The following PHACTR3 variants were observed in gnomAD, a reference collection of about 807,000 sequenced individuals.
PHACTR3 encodes the protein protein phosphatase 1, regulatory subunit 123.
A neutral mutation model predicts 66.8 loss-of-function variants in PHACTR3; 16 were observed. The ratio of observed to expected loss-of-function variants is 0.24; its 90% CI spans 0.16 to 0.36. The LOEUF (loss-of-function observed/expected upper bound fraction) is 0.36. PHACTR3 is among the 10% of genes least tolerant of loss of function. The pLI, the probability that PHACTR3 is intolerant of heterozygous loss-of-function variation, is 1.00. For missense variants in PHACTR3, 647 were observed against 719.9 expected (o/e 0.90, Z 1.16); for synonymous variants, 323 against 292.1 (o/e 1.11, Z -1.08).
chr20:59,700,969 T>A (rs113680858), intron 1 of PHACTR3, among the ~76,000 whole-genome samples: 3 of 33,960 alleles, frequency 8.8e-5, no homozygotes, highest in South Asian at 8.7e-4. Context: ...TTTAAAAAAA[T>A]TTTTTGGCGA....
chr20:59,639,517 C>T (rs569080050), intron 1 of PHACTR3, among the ~76,000 whole-genome samples: 3 of 152,284 alleles, frequency 2.0e-5, no homozygotes, highest in Non-Finnish European at 4.4e-5. Context: ...CACGTTCCTA[C>T]CTTGGACCTC....
In PHACTR3 at chr20:59,686,156, C is replaced by A. The variant is rs928947672; in HGVS notation, c.119-56951C>A. On this transcript the variant is annotated intron_variant, in intron 1 of 12. Transcript: ENST00000371015. ...AGCTCATATCTTTTAATAGACCCTG[C>A]AAGGTATCCAGTTCCTAGGACACAG... is the stretch of plus-strand genomic sequence containing the variant. Among the ~76,000 whole-genome samples the A allele has an allele frequency of 2.0e-5, 3 of 152,270 alleles. No individual in the cohort carries two copies. The South Asian group carries it at 6.2e-4, about 32-fold the overall frequency.
chr20:59,586,797 G>A (rs997818619), intron 1 of PHACTR3, among the ~76,000 whole-genome samples: 2 of 152,154 alleles, frequency 1.3e-5, no homozygotes, highest in African/African-American at 2.4e-5. Context: ...TGTGGGAGAT[G>A]AGCTCCACTT....
intron 6 of PHACTR3, 147 bp from the exon 7 acceptor site, chr20:59,774,096 C>T (rs2040446515): frequency 1.0e-6 from 1 of 957,710 alleles, no homozygotes; most frequent in Non-Finnish European, 1.5e-6. Context: ...TCCTCATGCT[C>T]CTTCTGGTGT....
intron 4 of PHACTR3, among the ~76,000 whole-genome samples, chr20:59,762,474 G>A (rs1435231295): frequency 3.3e-5 from 5 of 152,222 alleles, no homozygotes; most frequent in South Asian, 2.1e-4. Context: ...CCAGTGTTCA[G>A]TGGTCATGAG....
At chr20:59,778,190 T>C (rs2040601531) in intron 7 of PHACTR3, among the ~76,000 whole-genome samples, 1 of 152,144 alleles carries the variant, frequency 6.6e-6, no homozygotes. Flanking sequence ...CATTGCCCCA[T>C]TTCTAGTTCA....
At chr20:59,590,850 G>T (rs760994999) in intron 1 of PHACTR3, among the ~76,000 whole-genome samples, 13 of 152,100 alleles carry the variant, frequency 8.5e-5, no homozygotes, top group Non-Finnish European at 1.6e-4. Context: ...GTGCACAGGG[G>T]CTCCCTGGAC....
At chr20:59,702,306 C>T (rs150361211) in intron 1 of PHACTR3, among the ~76,000 whole-genome samples, 88 of 152,256 alleles carry the variant, frequency 5.8e-4, no homozygotes, top group African/African-American at 2.1e-3. Flanking sequence ...ATCTTCTTTC[C>T]CCACTCTGCA....
At chr20:59,586,800 C>A (rs1225962885) in intron 1 of PHACTR3, among the ~76,000 whole-genome samples, 1 of 152,196 alleles carries the variant, frequency 6.6e-6, no homozygotes. Context: ...GGGAGATGAG[C>A]TCCACTTGGT....
At chr20:59,743,059 C>T in intron 1 of PHACTR3, 48 bp from the exon 2 acceptor site, 1 of 1,586,840 alleles carries the variant, frequency 6.3e-7, no homozygotes, top group Non-Finnish European at 8.6e-7. Flanking sequence ...CCAGGAGTCA[C>T]ATAGGTTTGG....
At position 59,805,954 on chromosome 20, in the gene PHACTR3, T is replaced by C. The variant is rs2041553466; in HGVS notation, c.1175-87T>C. The C allele has an allele frequency of 3.5e-6, 5 of 1,417,500 alleles. No homozygotes were observed. In the East Asian group the frequency reaches 1.1e-4, roughly 33 times the overall value. The allele number at this position is 1,417,500 out of a possible 1,614,324, so 87.8% of individuals were successfully genotyped here. A position where few individuals can be genotyped will look rare whatever the true frequency, so the allele number is the denominator to read the frequency against. On this transcript the variant is annotated intron_variant, in intron 7 of 12. Transcript: ENST00000371015. ...GGTCTGGAGTCCTTCCTCTGGCAGG[T>C]GGGCGGCTCCATTGACAAGCCAGCC... is the stretch of plus-strand genomic sequence containing the variant.
At chr20:59,639,268 CAT>C (rs1429888799) in intron 1 of PHACTR3, among the ~76,000 whole-genome samples, 1 of 152,072 alleles carries the variant, frequency 6.6e-6, no homozygotes, top group Non-Finnish European at 1.5e-5. Flanking sequence ...GAAACAAAGA[CAT>C]AGTATTTGAG....
intron 1 of PHACTR3, among the ~76,000 whole-genome samples, chr20:59,617,230 C>T: frequency 6.6e-6 from 1 of 152,122 alleles, no homozygotes; most frequent in African/African-American, 2.4e-5. Context: ...CCTCCTCATA[C>T]CTATTCCCAT....
At chr20:59,592,500 G>A (rs143392047) in intron 1 of PHACTR3, among the ~76,000 whole-genome samples, 1 of 152,170 alleles carries the variant, frequency 6.6e-6, no homozygotes, top group Non-Finnish European at 1.5e-5. Flanking sequence ...TCTTCGTGAT[G>A]TACATTCACT....
intron 1 of PHACTR3, among the ~76,000 whole-genome samples, chr20:59,591,345 C>A (rs1384545053): frequency 6.6e-6 from 1 of 152,218 alleles, no homozygotes; most frequent in African/African-American, 2.4e-5. Context: ...CCGTCAGCAT[C>A]CACTTCACAG....
chr20:59,605,858 T>TGGGGGGGGGGGGGGGGGGGG (rs55834062), intron 1 of PHACTR3, among the ~76,000 whole-genome samples: 1 of 87,686 alleles, frequency 1.1e-5, no homozygotes, highest in Non-Finnish European at 2.2e-5. Flanking sequence ...GGGGGGGAGG[T>TGGGGGGGGGGGGGGGGGGGG]GGGGGGGGGG....
chr20:59,653,983 T>G (rs2035538832), intron 1 of PHACTR3, among the ~76,000 whole-genome samples: 1 of 152,184 alleles, frequency 6.6e-6, no homozygotes, highest in South Asian at 2.1e-4. Flanking sequence ...CTAGGATACT[T>G]TATTATGCCA....
chr20:59,655,266 T>G (rs2035580723), intron 1 of PHACTR3, among the ~76,000 whole-genome samples: 1 of 152,008 alleles, frequency 6.6e-6, no homozygotes, highest in African/African-American at 2.4e-5. Flanking sequence ...GTTTTTAAAT[T>G]TTTTTATATA....
intron 1 of PHACTR3, among the ~76,000 whole-genome samples, chr20:59,582,513 G>GC (rs1021450084): frequency 7.9e-4 from 121 of 152,272 alleles, no homozygotes; most frequent in African/African-American, 2.8e-3. Context: ...AGCTGCTATT[G>GC]CCAGACTGTT....
Sources: gnomAD v4.1 joint callset for allele counts (sites outside exome capture counted in the v4.1 genomes callset) on GRCh38, gnomAD v4.1.1 for gene constraint, MANE v1.5 for transcripts, NCBI Gene and HGNC (gene_info 2026-07-23, HGNC 2026-07-21) for gene names.